Variants in SARAF observed in about 807,000 individuals in gnomAD.
The protein encoded by SARAF is store-operated calcium entry-associated regulatory factor.
A neutral mutation model predicts 39.7 loss-of-function variants in SARAF; 23 were observed. That is an observed-to-expected ratio of 0.58 (90% CI 0.42 to 0.82). The LOEUF (loss-of-function observed/expected upper bound fraction) is 0.82, where lower values mean the gene tolerates loss of function less well. Ranked by LOEUF, SARAF falls within the 40% of genes least tolerant of loss-of-function variation. SARAF has a pLI of 0.00. For missense variants in SARAF, 384 were observed against 418.5 expected (o/e 0.92, Z 0.72); for synonymous variants, 175 against 168.5 (o/e 1.04, Z -0.30).
intron 2 of SARAF, among the ~76,000 whole-genome samples, chr8:30,072,698 A>T (rs756141718): frequency 5.3e-5 from 8 of 152,314 alleles, no homozygotes; most frequent in Non-Finnish European, 1.2e-4. Flanking sequence ...ACATAAGCCA[A>T]TGTATGATAT....
At position 30,083,002 on chromosome 8, in the gene SARAF, G is replaced by A. The variant is rs11538830; in HGVS notation, c.-53C>T. On this transcript the variant is annotated 5_prime_UTR_variant, in exon 1 of 6. Transcript: ENST00000256255. ...GCCAGACGCCTACGGGCCGAACCTG[G>A]GTGCGGTAGCGCGCGCGACGCTGCG... is the stretch of plus-strand genomic sequence containing the variant. 6.5e-6 allele frequency: 9 copies of A among 1,389,858 alleles called. No individual in the cohort carries two copies. The South Asian group carries it at 1.2e-4, about 18-fold the overall frequency. The allele number at this position is 1,389,858 out of a possible 1,614,324, so 86.1% of individuals were successfully genotyped here.
chr8:30,066,986 G>C (rs1317020727), intron 3 of SARAF, 68 bp from the exon 4 acceptor site: 1 of 1,475,938 alleles, frequency 6.8e-7, no homozygotes, highest in East Asian at 2.3e-5. Flanking sequence ...CAAAGATAAT[G>C]TAACATTTCA....
intron 2 of SARAF, among the ~76,000 whole-genome samples, chr8:30,072,096 C>T (rs1001035663): frequency 9.2e-5 from 14 of 152,298 alleles, no homozygotes; most frequent in East Asian, 3.9e-4. Flanking sequence ...TCCAATTTCT[C>T]GACATCCTCA....
chr8:30,082,736 C>T, intron 1 of SARAF, 111 bp downstream of exon 1: 1 of 793,094 alleles, frequency 1.3e-6, no homozygotes, highest in Admixed American at 3.3e-5. Flanking sequence ...ATGGGGAATC[C>T]GGGCACCCAG....
In SARAF at chr8:30,080,996, G is replaced by A. The variant is rs140454215; in HGVS notation, c.103+1851C>T. ...CTCTACTAAAAATACAAAATTTGCC[G>A]GGCATGGTGGCACATGCCTGTAATC... On this transcript the variant is annotated intron_variant, in intron 1 of 5. Transcript: ENST00000256255. 8.5e-3 allele frequency among the ~76,000 whole-genome samples: 1,286 copies of A among 152,188 alleles called. 6 individuals carry two copies. Among genetic ancestry groups the A allele is most frequent in the Non-Finnish European group, 0.014 (958 of 67,994 alleles).
At chr8:30,079,565 T>C (rs1475091854) in intron 1 of SARAF, among the ~76,000 whole-genome samples, 1 of 152,176 alleles carries the variant, frequency 6.6e-6, no homozygotes, top group African/African-American at 2.4e-5. Flanking sequence ...AATAATAAAT[T>C]GAATTTATTG....
chr8:30,064,561 A>ATATATATATTTTTTT (rs1423689069), intron 5 of SARAF, among the ~76,000 whole-genome samples: 1 of 46,234 alleles, frequency 2.2e-5, no homozygotes, highest in Non-Finnish European at 3.4e-5. Context: ...ATATATATAT[A>ATATATATATTTTTTT]TTTTTTTTTT....
intron 1 of SARAF, among the ~76,000 whole-genome samples, chr8:30,081,853 T>G (rs753561373): frequency 2.6e-5 from 4 of 152,078 alleles, no homozygotes; most frequent in South Asian, 2.1e-4. Context: ...ATATTACTGA[T>G]CCCATGAAAA....
chr8:30,075,063 G>A (rs1366716729), intron 1 of SARAF, among the ~76,000 whole-genome samples: 1 of 152,152 alleles, frequency 6.6e-6, no homozygotes, highest in Non-Finnish European at 1.5e-5. Flanking sequence ...CACTTTGGGA[G>A]GCCGAGGCAC....
rs1402020823 is a variant in SARAF at position 30,064,555 on chromosome 8, A to AT, written c.995-643dup. ...TAGCCATATATATATATATATATATATATATATTTTTTTTTTTTTTTTTTG... is the reference window on the plus strand; with the variant it reads ...TAGCCATATATATATATATATATATATTATATATTTTTTTTTTTTTTTTTTG... On this transcript the variant is annotated intron_variant, in intron 5 of 5. Coordinates refer to ENST00000256255, the MANE Select transcript of SARAF (RefSeq NM_016127.6). Among the ~76,000 whole-genome samples, 162 of 52,460 alleles carry AT rather than the reference A, an allele frequency of 3.1e-3. 4 individuals are homozygous for AT. Among genetic ancestry groups the AT allele is most frequent in the African/African-American group, 9.3e-3 (95 of 10,228 alleles). The allele number at this position is 52,460 out of a possible 152,430, so 34.4% of individuals were successfully genotyped here.
chr8:30,082,714 A>G, intron 1 of SARAF, 133 bp downstream of exon 1: 1 of 634,248 alleles, frequency 1.6e-6, no homozygotes, highest in Non-Finnish European at 2.6e-6. Context: ...ACGAACAGCA[A>G]AGAGGTCAGA....
chr8:30,068,257 GCCT>G (rs1366626046), intron 3 of SARAF, among the ~76,000 whole-genome samples: 1 of 152,112 alleles, frequency 6.6e-6, no homozygotes, highest in African/African-American at 2.4e-5. Context: ...CCTGAGCTCA[GCCT>G]CCTGTCAGAT....
At chr8:30,068,763 T>TTATA (rs769604583) in intron 3 of SARAF, among the ~76,000 whole-genome samples, 2 of 151,742 alleles carry the variant, frequency 1.3e-5, no homozygotes, top group Non-Finnish European at 2.9e-5. Flanking sequence ...GAAATACATT[T>TTATA]TATATATATA....
intron 1 of SARAF, 100 bp downstream of exon 1, chr8:30,082,747 G>C (rs1156490706): frequency 2.2e-6 from 2 of 912,896 alleles, no homozygotes; most frequent in South Asian, 3.6e-5. Flanking sequence ...GGGCACCCAG[G>C]CTCCGGGAAG....
intron 2 of SARAF, among the ~76,000 whole-genome samples, chr8:30,070,729 A>G (rs1191849763): frequency 1.3e-5 from 2 of 152,208 alleles, no homozygotes; most frequent in African/African-American, 4.8e-5. Flanking sequence ...TTCTTTAAAA[A>G]TCCAGATTTC....
chr8:30,071,899 A>C (rs1801856410), intron 2 of SARAF, among the ~76,000 whole-genome samples: 1 of 152,232 alleles, frequency 6.6e-6, no homozygotes, highest in Non-Finnish European at 1.5e-5. Flanking sequence ...ATTATGAATA[A>C]TGCTGCTATG....
At position 30,083,018 on chromosome 8, in the gene SARAF, C is replaced by T; in HGVS notation, c.-69G>A. ...CCGAACCTGGGTGCGGTAGCGCGCGCGACGCTGCGCAGCTACACCGCTACC... is the reference window on the plus strand; with the variant it reads ...CCGAACCTGGGTGCGGTAGCGCGCGTGACGCTGCGCAGCTACACCGCTACC... On this transcript the variant is annotated 5_prime_UTR_variant, in exon 1 of 6. Transcript: ENST00000256255. The T allele has an allele frequency of 1.6e-6, 2 of 1,212,790 alleles. No homozygotes were observed. Among genetic ancestry groups the T allele is most frequent in the Non-Finnish European group, 2.3e-6 (2 of 875,492 alleles). The allele number at this position is 1,212,790 out of a possible 1,614,324, so 75.1% of individuals were successfully genotyped here.
At chr8:30,081,939 T>A (rs1585449051) in intron 1 of SARAF, among the ~76,000 whole-genome samples, 1 of 151,636 alleles carries the variant, frequency 6.6e-6, no homozygotes. Context: ...GTACCATCAC[T>A]AAAAAAAACC....
At chr8:30,073,600 C>A (rs965262165) in intron 2 of SARAF, 1 of 315,604 alleles carries the variant, frequency 3.2e-6, no homozygotes, top group African/African-American at 2.2e-5. Flanking sequence ...TATCCCCTAT[C>A]CCTCACCCTC....
Sources: gnomAD v4.1 joint callset for allele counts (sites outside exome capture counted in the v4.1 genomes callset) on GRCh38, gnomAD v4.1.1 for gene constraint, MANE v1.5 for transcripts, NCBI Gene and HGNC (gene_info 2026-07-23, HGNC 2026-07-21) for gene names.